The following GULP1 variants were observed in gnomAD, a reference collection of about 807,000 sequenced individuals.
GULP1 encodes PTB domain-containing engulfment adapter protein 1.
Under a neutral mutation model 40.9 loss-of-function variants are expected in GULP1, and 19 were observed. That is an observed-to-expected ratio of 0.46 (90% confidence interval 0.32 to 0.68). The LOEUF is 0.68. GULP1 is among the 30% of genes least tolerant of loss of function. GULP1 has a pLI of 0.03. For synonymous variants in GULP1, 119 were observed against 117.6 expected (o/e 1.01, Z -0.08); for missense variants, 312 against 362.2 (o/e 0.86, Z 1.12).
chr2:188,430,530 G>C (rs879352679), intron 2 of GULP1, among the ~76,000 whole-genome samples: 4 of 152,162 alleles, frequency 2.6e-5, no homozygotes, highest in Non-Finnish European at 4.4e-5. Context: ...GCGACAACAT[G>C]GGAAGTTGCC....
At chr2:188,524,752 A>C (rs940379537) in intron 5 of GULP1, among the ~76,000 whole-genome samples, 13 of 151,598 alleles carry the variant, frequency 8.6e-5, no homozygotes, top group African/African-American at 1.2e-4. Context: ...AAGAGAAAAA[A>C]GAACCTTGCT....
intron 4 of GULP1, among the ~76,000 whole-genome samples, chr2:188,491,138 A>G (rs1227677047): frequency 2.0e-5 from 3 of 152,088 alleles, no homozygotes; most frequent in Admixed American, 6.6e-5. Flanking sequence ...AGAGAATGTA[A>G]AGAAAGAAAA....
intron 2 of GULP1, among the ~76,000 whole-genome samples, chr2:188,423,645 CTCTT>C (rs2055762427): frequency 6.6e-6 from 1 of 151,536 alleles, no homozygotes; most frequent in African/African-American, 2.4e-5. Flanking sequence ...TATTTTCTAG[CTCTT>C]TCTAATTTTA....
At chr2:188,311,896 A>G (rs2038204880) in intron 1 of GULP1, among the ~76,000 whole-genome samples, 1 of 148,658 alleles carries the variant, frequency 6.7e-6, no homozygotes, top group African/African-American at 2.4e-5. Flanking sequence ...TTTATTATAT[A>G]TTATATTAAT....
At chr2:188,305,027 C>T (rs1243592363) in intron 1 of GULP1, among the ~76,000 whole-genome samples, 1 of 152,062 alleles carries the variant, frequency 6.6e-6, no homozygotes, top group Non-Finnish European at 1.5e-5. Context: ...AAGACTGCCC[C>T]TCATGCCCCT....
intron 2 of GULP1, among the ~76,000 whole-genome samples, chr2:188,425,137 A>C (rs2056002551): frequency 6.6e-6 from 1 of 152,086 alleles, no homozygotes; most frequent in Admixed American, 6.5e-5. Context: ...AAACATCACC[A>C]CTGCCCATCA....
At chr2:188,534,245 C>T (rs1688336043) in intron 6 of GULP1, among the ~76,000 whole-genome samples, 1 of 152,124 alleles carries the variant, frequency 6.6e-6, no homozygotes, top group African/African-American at 2.4e-5. Flanking sequence ...CTAGATGCCT[C>T]TCAATGGTGG....
intron 11 of GULP1, chr2:188,592,640 A>G (rs957184357): frequency 6.6e-6 from 1 of 152,086 alleles, no homozygotes; most frequent in Non-Finnish European, 1.5e-5. Context: ...TGCTGTAAAC[A>G]TAAAGAATAT....
rs190853088 is a variant in GULP1 at position 188,465,271 on chromosome 2, C to A, written c.-44-12388C>A. 5.3e-5 allele frequency among the ~76,000 whole-genome samples: 8 copies of A among 152,168 alleles called. No homozygotes were observed. The East Asian group carries it at 9.7e-4, about 18-fold the overall frequency. Reference sequence around the variant, plus strand: ...GTTCTTCCCTTCAAGGCAGTAGGTTCCTTTCTGGTACATGGTGTTTCTAGA... The same window carrying A: ...GTTCTTCCCTTCAAGGCAGTAGGTTACTTTCTGGTACATGGTGTTTCTAGA... On this transcript the variant is annotated intron_variant, in intron 2 of 11. Coordinates refer to ENST00000409830, the MANE Select transcript of GULP1 (RefSeq NM_016315.4).
At chr2:188,347,322 C>T (rs931437029) in intron 1 of GULP1, among the ~76,000 whole-genome samples, 7 of 152,064 alleles carry the variant, frequency 4.6e-5, no homozygotes, top group African/African-American at 1.2e-4. Context: ...GGAAGATGGA[C>T]CCAACAGCAC....
chr2:188,323,718 G>A (rs1339624200), intron 1 of GULP1, among the ~76,000 whole-genome samples: 1 of 150,498 alleles, frequency 6.6e-6, no homozygotes, highest in African/African-American at 2.4e-5. Context: ...GGAAAGGGAA[G>A]TTTGCTTTTA....
rs971276380 is a variant in GULP1, at chr2:188,459,926, C to T, written c.-44-17733C>T. On this transcript the variant is annotated intron_variant, in intron 2 of 11. Coordinates refer to ENST00000409830, the MANE Select transcript of GULP1 (RefSeq NM_016315.4). Reference sequence around the variant, plus strand: ...TCTTTTTCCCAGTGTATGTTTTTGGCGCCTTTATAGAAAGTGTGTTTACTG... The same window carrying T: ...TCTTTTTCCCAGTGTATGTTTTTGGTGCCTTTATAGAAAGTGTGTTTACTG... Among the ~76,000 whole-genome samples, 8 of 151,996 alleles carry T rather than the reference C, an allele frequency of 5.3e-5. 1 individual carries two copies. Among genetic ancestry groups the T allele is most frequent in the Admixed American group, 3.9e-4 (6 of 15,250 alleles).
At chr2:188,583,438 C>G (rs533557894) in intron 9 of GULP1, among the ~76,000 whole-genome samples, 2 of 152,258 alleles carry the variant, frequency 1.3e-5, no homozygotes, top group African/African-American at 4.8e-5. Context: ...TGGAAATTCT[C>G]TTTTATCCCT....
chr2:188,332,932 T>C (rs966707615), intron 1 of GULP1, among the ~76,000 whole-genome samples: 1 of 152,076 alleles, frequency 6.6e-6, no homozygotes, highest in African/African-American at 2.4e-5. Context: ...TCGTCAGCTT[T>C]TGTATTGTGG....
At chr2:188,470,919 A>T (rs1180265862) in intron 2 of GULP1, among the ~76,000 whole-genome samples, 2 of 152,032 alleles carry the variant, frequency 1.3e-5, no homozygotes, top group Non-Finnish European at 2.9e-5. Flanking sequence ...AATATCTGTT[A>T]CCTCCATTTT....
intron 1 of GULP1, among the ~76,000 whole-genome samples, chr2:188,369,705 T>C (rs558056354): frequency 6.6e-6 from 1 of 152,330 alleles, no homozygotes; most frequent in African/African-American, 2.4e-5. Flanking sequence ...ATTCATGAAC[T>C]CTACTGCTTT....
At chr2:188,543,464 T>TA (rs1380067579) in intron 7 of GULP1, among the ~76,000 whole-genome samples, 3 of 152,258 alleles carry the variant, frequency 2.0e-5, no homozygotes, top group African/African-American at 7.2e-5. Context: ...AAAATTTTGT[T>TA]ATACCTGCAC....
intron 2 of GULP1, among the ~76,000 whole-genome samples, chr2:188,421,811 G>A (rs2055457887): frequency 6.6e-6 from 1 of 152,148 alleles, no homozygotes; most frequent in Non-Finnish European, 1.5e-5. Context: ...AAGAATAGAT[G>A]TATGAAGGAC....
At chr2:188,405,867 G>A (rs1225011031) in intron 2 of GULP1, among the ~76,000 whole-genome samples, 1 of 152,180 alleles carries the variant, frequency 6.6e-6, no homozygotes, top group Non-Finnish European at 1.5e-5. Flanking sequence ...TTCTTCAAAT[G>A]TGCAGACATC....
Sources: allele counts gnomAD v4.1 joint callset (sites outside exome capture counted in the v4.1 genomes callset), GRCh38; gene constraint gnomAD v4.1.1; transcripts MANE v1.5; gene names NCBI Gene and HGNC (gene_info 2026-07-23, HGNC 2026-07-21).